ALS2: variants seen among roughly 807,000 people sequenced by gnomAD.
ALS2 encodes alsin Rho guanine nucleotide exchange factor ALS2.
Under a neutral mutation model 203.4 loss-of-function variants are expected in ALS2, and 117 were observed. The ratio of observed to expected loss-of-function variants is 0.58; its 90% CI spans 0.50 to 0.67. The LOEUF is 0.67. ALS2 is among the 30% of genes least tolerant of loss of function. The pLI, the probability that ALS2 is intolerant of heterozygous loss-of-function variation, is 0.00. For synonymous variants in ALS2, 718 were observed against 725.9 expected (o/e 0.99, Z 0.17); for missense variants, 1,715 against 1,989.4 (o/e 0.86, Z 2.62).
intron 11 of ALS2, among the ~76,000 whole-genome samples, chr2:201,740,223 A>G (rs894460771): frequency 6.6e-6 from 1 of 152,148 alleles, no homozygotes; most frequent in African/African-American, 2.4e-5. Flanking sequence ...GCTTCTTGGG[A>G]GGCTGAGGTG....
intron 11 of ALS2, among the ~76,000 whole-genome samples, chr2:201,739,016 A>G (rs1305381024): frequency 4.6e-5 from 7 of 152,020 alleles, no homozygotes; most frequent in African/African-American, 1.4e-4. Flanking sequence ...AGGCGGGAGG[A>G]TCGCTTGAGC....
At chr2:201,773,127 T>C (rs1253680407) in intron 1 of ALS2, among the ~76,000 whole-genome samples, 1 of 152,156 alleles carries the variant, frequency 6.6e-6, no homozygotes, top group Non-Finnish European at 1.5e-5. Context: ...CCCAAAGTGC[T>C]GGGATTACAG....
intron 23 of ALS2, among the ~76,000 whole-genome samples, chr2:201,718,923 C>T (rs1470878737): frequency 1.3e-5 from 2 of 151,876 alleles, no homozygotes; most frequent in Admixed American, 6.6e-5. Context: ...AACTAACAAA[C>T]TAAACCCAAA....
chr2:201,714,283 G>GAAAT (rs1690226568), intron 25 of ALS2, among the ~76,000 whole-genome samples: 1 of 152,168 alleles, frequency 6.6e-6, no homozygotes, highest in Non-Finnish European at 1.5e-5. Flanking sequence ...CTGTAAGCTG[G>GAAAT]GACTGTGGAA....
rs191569890 is a variant in ALS2, at chr2:201,710,058, A to G, written c.4123-20T>C. The G allele has an allele frequency of 6.4e-5, 103 of 1,613,552 alleles. 1 individual carries two copies. In the Admixed American group the frequency reaches 1.6e-3, roughly 24 times the overall value. On this transcript the variant is annotated intron_variant, in intron 26 of 33. Transcript: ENST00000264276. The stretch of plus-strand genomic sequence containing the variant: ...ACAGGCCTGAGTAGGAAAAGAATCA[A>G]TGAAGTCAGTTGATGTGCATTAACA...
chr2:201,750,607 T>C (rs76265440), intron 7 of ALS2, among the ~76,000 whole-genome samples: 5,255 of 152,248 alleles, frequency 0.035, 269 homozygotes, highest in African/African-American at 0.11. Flanking sequence ...TAGATTGCAA[T>C]GACTAGGTTT....
At chr2:201,744,220 G>C in intron 10 of ALS2, 38 bp downstream of exon 10, 1 of 1,586,898 alleles carries the variant, frequency 6.3e-7, no homozygotes, top group Non-Finnish European at 8.7e-7. Context: ...ATAAAGACCT[G>C]ATGGTTTAAT....
rs1380105818 is a variant in ALS2, at chr2:201,760,895, G to A, written c.1099C>T (p.Pro367Ser). ...VREDSEHGEKPVPSQPLLEEA... is the reference protein window; with the variant it reads ...VREDSEHGEKSVPSQPLLEEA... ...TGAGCAGGTACCTGAGATGGCACTG[G>A]CTTTTCACCATGCTCTGAGTCCTCT... The change falls in exon 4 of 34, where the codon CCA becomes TCA. Residue 367 changes from proline (P) to serine (S), a missense_variant. By Grantham distance (74) the Pro-to-Ser change is moderately conservative. Coordinates refer to ENST00000264276, the MANE Select transcript of ALS2 (RefSeq NM_020919.4). The A allele has an allele frequency of 6.2e-7, 1 of 1,613,108 alleles. No individual in the cohort carries two copies. Among genetic ancestry groups the A allele is most frequent in the Non-Finnish European group, 8.5e-7 (1 of 1,179,196 alleles).
chr2:201,747,013 A>T (rs1692706145), intron 8 of ALS2, among the ~76,000 whole-genome samples: 1 of 152,100 alleles, frequency 6.6e-6, no homozygotes, highest in South Asian at 2.1e-4. Context: ...CACACATCTA[A>T]TTTTTTATTG....
At chr2:201,759,949 C>CA (rs1240923554) in intron 4 of ALS2, 1 of 983,668 alleles carries the variant, frequency 1.0e-6, no homozygotes, top group Non-Finnish European at 1.2e-6. Context: ...AGCGGGAACT[C>CA]AAACTTTACC....
chr2:201,723,530 C>T, intron 21 of ALS2, 89 bp from the exon 22 acceptor site: 2 of 1,144,270 alleles, frequency 1.7e-6, no homozygotes, highest in Non-Finnish European at 1.3e-6. Context: ...TCCCAGGCAT[C>T]AACCCTAGGT....
intron 7 of ALS2, among the ~76,000 whole-genome samples, chr2:201,750,036 C>T (rs1692933933): frequency 6.6e-6 from 1 of 151,922 alleles, no homozygotes. Context: ...CATGGTGGTG[C>T]ATGCCTGTAA....
intron 20 of ALS2, 60 bp from the exon 21 acceptor site, chr2:201,724,519 A>G (rs1205720217): frequency 3.8e-6 from 6 of 1,576,412 alleles, no homozygotes; most frequent in Non-Finnish European, 5.2e-6. Context: ...GCTCATTTTT[A>G]CAAAGTTTAG....
chr2:201,759,500 T>C (rs1321362542), intron 4 of ALS2: 9 of 971,498 alleles, frequency 9.3e-6, no homozygotes, highest in African/African-American at 1.8e-5. Context: ...CACACATTGT[T>C]ACTAGCATAA....
intron 8 of ALS2, among the ~76,000 whole-genome samples, chr2:201,747,753 ACT>A (rs1343044477): frequency 1.3e-5 from 2 of 151,954 alleles, no homozygotes; most frequent in African/African-American, 2.4e-5. Flanking sequence ...CCAGCCCAGC[ACT>A]CTGTTTTAAC....
intron 2 of ALS2, 117 bp from the exon 3 acceptor site, chr2:201,767,500 C>G (rs544161789): frequency 3.6e-6 from 4 of 1,120,454 alleles, no homozygotes; most frequent in Admixed American, 2.0e-5. Context: ...GGTCAGATAG[C>G]TGAATTAGCA....
chr2:201,725,373 G>T lies in ALS2; in HGVS notation c.3330C>A (p.Cys1110Ter). 6.2e-7 allele frequency: 1 copy of T among 1,613,408 alleles called. No homozygotes were observed. ...YVGHWKEGKMCGQGVYSYASG... is the reference protein window; with the variant it reads ...YVGHWKEGKM ...AATGTTACCTGTAGACTCCTTGACC[G>T]CACATTTTTCCTTCTTTCCAATGGC... Residue 1110 changes from cysteine to a stop codon, truncating the protein, a stop_gained, in exon 20 of 34, where the codon TGC becomes TGA. Coordinates refer to ENST00000264276, the MANE Select transcript of ALS2 (RefSeq NM_020919.4). LOFTEE classifies it high-confidence loss of function.
At chr2:201,715,043 G>A (rs1169200588) in intron 25 of ALS2, among the ~76,000 whole-genome samples, 4 of 152,162 alleles carry the variant, frequency 2.6e-5, no homozygotes, top group Non-Finnish European at 5.9e-5. Flanking sequence ...TGGGGTTGGG[G>A]CTTGGCCTTC....
chr2:201,770,911 G>C (rs1694345088), intron 1 of ALS2, among the ~76,000 whole-genome samples: 1 of 152,144 alleles, frequency 6.6e-6, no homozygotes, highest in South Asian at 2.1e-4. Flanking sequence ...CAGACTTTCA[G>C]CCCACAGAAC....
Sources: allele counts gnomAD v4.1 joint callset (sites outside exome capture counted in the v4.1 genomes callset), GRCh38; gene constraint gnomAD v4.1.1; transcripts MANE v1.5; gene names NCBI Gene and HGNC (gene_info 2026-07-23, HGNC 2026-07-21).